Variants in ZNF385D observed in about 807,000 individuals in gnomAD.
The protein encoded by ZNF385D is zinc finger protein 385D.
A neutral mutation model predicts 35.8 loss-of-function variants in ZNF385D; 15 were observed. The observed-to-expected ratio is 0.42, with a 90% CI of 0.28 to 0.64. The LOEUF (loss-of-function observed/expected upper bound fraction) is 0.64, where lower values mean the gene tolerates loss of function less well. Ranked by LOEUF, ZNF385D falls within the 30% of genes least tolerant of loss-of-function variation. ZNF385D has a pLI of 0.23. For missense variants in ZNF385D, 474 were observed against 494.6 expected (o/e 0.96, Z 0.39); for synonymous variants, 212 against 186.8 (o/e 1.13, Z -1.10).
chr3:22,254,418 A>G (rs562773530), intron 2 of ZNF385D, among the ~76,000 whole-genome samples: 10 of 151,890 alleles, frequency 6.6e-5, no homozygotes, highest in Non-Finnish European at 1.3e-4. Context: ...GACATTTACT[A>G]TCAGAAATAT....
intron 2 of ZNF385D, among the ~76,000 whole-genome samples, chr3:22,285,262 C>T (rs1380576237): frequency 6.6e-6 from 1 of 152,124 alleles, no homozygotes; most frequent in South Asian, 2.1e-4. Context: ...GCTCATCTGC[C>T]TCTAACCCTC....
chr3:22,077,785 G>C (rs1327870483), intron 3 of ZNF385D, among the ~76,000 whole-genome samples: 1 of 151,948 alleles, frequency 6.6e-6, no homozygotes, highest in African/African-American at 2.4e-5. Flanking sequence ...AGAAATGGGA[G>C]AAACAGAATG....
intron 4 of ZNF385D, among the ~76,000 whole-genome samples, chr3:21,485,448 T>G (rs1315018513): frequency 6.6e-6 from 1 of 152,166 alleles, no homozygotes; most frequent in Non-Finnish European, 1.5e-5. Flanking sequence ...CCATTAGGCA[T>G]CATTGATTCT....
In ZNF385D at chr3:21,413,860, A is replaced by T. The variant is rs1700526267; in HGVS notation, c.*7354T>A. On this transcript the variant is annotated 3_prime_UTR_variant, in exon 8 of 8. Transcript: ENST00000281523. ...GATTAAAATATTTTTAGATCTCAAA[A>T]CTAAAGTTCAAATTGGCTCATGTTA... 6.6e-6 allele frequency: 1 copy of T among 152,136 alleles called. No homozygotes were observed. The highest frequency in any genetic ancestry group is 2.4e-5 in the African/African-American group (1 of 41,444). 9.4% of individuals were successfully genotyped at this position (152,136 alleles called of 1,614,324 possible).
At chr3:21,992,511 C>G (rs1054777880) in intron 3 of ZNF385D, among the ~76,000 whole-genome samples, 1 of 152,080 alleles carries the variant, frequency 6.6e-6, no homozygotes, top group African/African-American at 2.4e-5. Context: ...AGTTACTAAG[C>G]TCTTTAAATG....
intron 4 of ZNF385D, among the ~76,000 whole-genome samples, chr3:21,461,288 T>C (rs1703157463): frequency 6.6e-6 from 1 of 152,184 alleles, no homozygotes; most frequent in African/African-American, 2.4e-5. Flanking sequence ...ACAGTGGCTA[T>C]GCTTGTAATC....
At chr3:21,764,972 G>C (rs914744063) in intron 3 of ZNF385D, among the ~76,000 whole-genome samples, 5 of 152,064 alleles carry the variant, frequency 3.3e-5, no homozygotes, top group Admixed American at 6.6e-5. Context: ...AGATCTTCTA[G>C]CATTGAGACG....
intron 3 of ZNF385D, among the ~76,000 whole-genome samples, chr3:22,126,225 C>T (rs148014222): frequency 1.3e-5 from 2 of 150,046 alleles, no homozygotes; most frequent in Non-Finnish European, 3.0e-5. Flanking sequence ...GACTGATTTG[C>T]ATATATTGAG....
At chr3:21,985,952 C>T (rs1490694271) in intron 3 of ZNF385D, among the ~76,000 whole-genome samples, 7 of 123,810 alleles carry the variant, frequency 5.7e-5, no homozygotes, top group South Asian at 2.8e-4. Flanking sequence ...AGTTTATTTG[C>T]GTAGAGGTGT....
At chr3:22,091,238 G>C (rs1160940420) in intron 3 of ZNF385D, among the ~76,000 whole-genome samples, 1 of 152,120 alleles carries the variant, frequency 6.6e-6, no homozygotes, top group African/African-American at 2.4e-5. Context: ...ACTAGATGGA[G>C]ATACCAGAGC....
intron 2 of ZNF385D, among the ~76,000 whole-genome samples, chr3:21,628,956 T>C (rs1336016275): frequency 6.6e-6 from 1 of 152,168 alleles, no homozygotes; most frequent in Non-Finnish European, 1.5e-5. Flanking sequence ...ACTTACATTT[T>C]GCCTGGGAAA....
chr3:21,972,241 C>A (rs1439268178), intron 3 of ZNF385D, among the ~76,000 whole-genome samples: 2 of 151,924 alleles, frequency 1.3e-5, no homozygotes, highest in Non-Finnish European at 2.9e-5. Context: ...GAAATTGTAT[C>A]AAGTATCTTC....
intron 2 of ZNF385D, among the ~76,000 whole-genome samples, chr3:22,266,480 T>C (rs74416666): frequency 3.3e-3 from 505 of 151,940 alleles, no homozygotes; most frequent in African/African-American, 0.011. Flanking sequence ...CTATCTTATT[T>C]AGCTTGAAGA....
At chr3:21,954,544 A>G (rs1163702453) in intron 3 of ZNF385D, among the ~76,000 whole-genome samples, 3 of 152,084 alleles carry the variant, frequency 2.0e-5, no homozygotes, top group Non-Finnish European at 4.4e-5. Context: ...CGGGACCCCT[A>G]GGCCAAAAGA....
At chr3:22,246,333 T>G (rs1323071512) in intron 2 of ZNF385D, among the ~76,000 whole-genome samples, 1 of 152,184 alleles carries the variant, frequency 6.6e-6, no homozygotes, top group Non-Finnish European at 1.5e-5. Flanking sequence ...CTGTCTACTC[T>G]GAAGCATGTT....
rs1700720194 is a variant in ZNF385D at position 21,421,257 on chromosome 3, G to T, written c.1145C>A (p.Pro382His). The change falls in exon 8 of 8, where the codon CCC becomes CAC. Residue 382 changes from proline (P) to histidine (H), a missense_variant. Pro to His is a moderately conservative substitution (Grantham distance 77). Coordinates refer to ENST00000281523, the MANE Select transcript of ZNF385D (RefSeq NM_024697.3). Reference sequence around the variant, plus strand: ...CACAGGAGTGTGGGCGGTCCGAATGGGTCCAGGAGCTGGCCGCAGGAGTGC... The same window carrying T: ...CACAGGAGTGTGGGCGGTCCGAATGTGTCCAGGAGCTGGCCGCAGGAGTGC... ...PPALLRPAPG[P>H]IRTAHTPVLF... 1 of 1,613,962 alleles carries T rather than the reference G, an allele frequency of 6.2e-7. No individual in the cohort carries two copies. The highest frequency in any genetic ancestry group is 8.5e-7 in the Non-Finnish European group (1 of 1,180,024).
intron 2 of ZNF385D, among the ~76,000 whole-genome samples, chr3:21,634,245 G>GTGGC (rs2065361369): frequency 6.7e-6 from 1 of 150,006 alleles, no homozygotes; most frequent in Admixed American, 6.7e-5. Flanking sequence ...AGGGAGAGCA[G>GTGGC]AAGGGAGGGA....
intron 2 of ZNF385D, among the ~76,000 whole-genome samples, chr3:21,662,518 A>C (rs1575417771): frequency 6.6e-6 from 1 of 152,208 alleles, no homozygotes; most frequent in Non-Finnish European, 1.5e-5. Flanking sequence ...GTTTTGATTC[A>C]TATCTGCTAT....
At chr3:22,164,842 G>C (rs1307487232) in intron 3 of ZNF385D, among the ~76,000 whole-genome samples, 3 of 151,932 alleles carry the variant, frequency 2.0e-5, no homozygotes, top group Non-Finnish European at 4.4e-5. Context: ...GCTAAAAAAG[G>C]AATGAGCTAT....
Sources: allele counts gnomAD v4.1 joint callset (sites outside exome capture counted in the v4.1 genomes callset), GRCh38; gene constraint gnomAD v4.1.1; transcripts MANE v1.5; gene names NCBI Gene and HGNC (gene_info 2026-07-23, HGNC 2026-07-21).